Variants in MLXIP observed in about 807,000 individuals in gnomAD.
MLXIP encodes the protein MLX-interacting protein.
Under a neutral mutation model 87.2 loss-of-function variants are expected in MLXIP, and 30 were observed. That is an observed-to-expected ratio of 0.34 (90% CI 0.26 to 0.47). The LOEUF (loss-of-function observed/expected upper bound fraction) is 0.47. Ranked by LOEUF, MLXIP falls within the 20% of genes least tolerant of loss-of-function variation. The probability of loss-of-function intolerance (pLI) is 1.00; values close to 1 mark genes in which losing one functional copy is unlikely to be tolerated. For missense variants in MLXIP, 1,002 were observed against 1,240.1 expected, an observed-to-expected ratio of 0.81 and a Z score of 2.88; for synonymous variants, 530 against 514.0, an observed-to-expected ratio of 1.03 and a Z score of -0.42.
intron 3 of MLXIP, 68 bp from the exon 4 acceptor site, chr12:122,129,069 G>A (rs1952928659): frequency 1.5e-6 from 2 of 1,316,342 alleles, no homozygotes; most frequent in African/African-American, 1.5e-5. Flanking sequence ...CGGATACTCA[G>A]TACACCAGTT....
chr12:122,103,231 T>G (rs143833355), intron 1 of MLXIP, among the ~76,000 whole-genome samples: 65 of 45,400 alleles, frequency 1.4e-3, no homozygotes, highest in African/African-American at 4.8e-3. Context: ...ATTTATTTAT[T>G]TATTTATTTT....
Position 122,078,830 on chromosome 12 carries a change from G to C in MLXIP, c.-24G>C, listed in dbSNP as rs1213457564. Reference sequence around the variant, plus strand: ...TGTCGCGTTGCCCCGGGCTCCGGGGGATGCCCCCGGCCGAGCCCTTCTCAT... The same window carrying C: ...TGTCGCGTTGCCCCGGGCTCCGGGGCATGCCCCCGGCCGAGCCCTTCTCAT... On this transcript the variant is annotated 5_prime_UTR_variant, in exon 1 of 17. Transcript: ENST00000319080. 1 of 1,053,754 alleles carries C rather than the reference G, an allele frequency of 9.5e-7. No individual in the cohort carries two copies. The highest frequency in any genetic ancestry group is 1.1e-6 in the Non-Finnish European group (1 of 874,904). The allele number at this position is 1,053,754 out of a possible 1,614,324, so 65.3% of individuals were successfully genotyped here. A position where few individuals can be genotyped will look rare whatever the true frequency, so the allele number is the denominator to read the frequency against.
Position 122,135,774 on chromosome 12 carries a change from A to C in MLXIP, c.2032+108A>C. 1 of 1,301,952 alleles carries C rather than the reference A, an allele frequency of 7.7e-7. No individual in the cohort carries two copies. The allele number at this position is 1,301,952 out of a possible 1,614,324, so 80.6% of individuals were successfully genotyped here. ...GGTCCCCAGGACGGAGCCTGGGCTT[A>C]GGACACACAGTGAGGTCTTGTAGGC... is the stretch of plus-strand genomic sequence containing the variant. On this transcript the variant is annotated intron_variant, in intron 11 of 16. Coordinates refer to ENST00000319080, the MANE Select transcript of MLXIP (RefSeq NM_014938.6). The surrounding 1 kb of genome is among the most constrained non-coding windows in gnomAD (Gnocchi z 5.3).
At position 122,135,207 on chromosome 12, in the gene MLXIP, C is replaced by T; in HGVS notation, c.1733-17C>T. The T allele has an allele frequency of 6.2e-7, 1 of 1,611,878 alleles. No individual in the cohort carries two copies. The highest frequency in any genetic ancestry group is 8.5e-7 in the Non-Finnish European group (1 of 1,179,322). ...GTGGCCCAGGGCTGCACCTGAACAT[C>T]CTCCTTATCCTGGCAGCTGCCTTTT... On this transcript the variant is annotated splice_polypyrimidine_tract_variant and intron_variant, in intron 9 of 16. Coordinates refer to ENST00000319080, the MANE Select transcript of MLXIP (RefSeq NM_014938.6). This position sits in a 1 kb window ranked among gnomAD's most constrained non-coding sequence, Gnocchi z 5.3.
intron 1 of MLXIP, among the ~76,000 whole-genome samples, chr12:122,110,997 A>C (rs1952598090): frequency 6.6e-6 from 1 of 151,270 alleles, no homozygotes; most frequent in African/African-American, 2.4e-5. Context: ...GAATGGCGTG[A>C]ACCCAGGAGG....
intron 1 of MLXIP, among the ~76,000 whole-genome samples, chr12:122,112,269 T>C (rs1413203170): frequency 1.3e-5 from 2 of 152,190 alleles, no homozygotes; most frequent in Non-Finnish European, 2.9e-5. Context: ...GAATTTGTTT[T>C]TGTGAGCTGT....
At chr12:122,079,294 C>T (rs987022142) in intron 1 of MLXIP, 28 bp downstream of exon 1, 5 of 1,540,346 alleles carry the variant, frequency 3.2e-6, no homozygotes, top group Non-Finnish European at 4.4e-6. Flanking sequence ...CCCCTGAGGC[C>T]CCGGCCGGAG....
At position 122,133,363 on chromosome 12, in the gene MLXIP, A is replaced by C. The variant is rs1953014682; in HGVS notation, c.1108A>C (p.Thr370Pro). ...CCTTTTTCAGGAGAGCATCCTGCCG[A>C]CCACAGCCCTCCCCACTGTGAGCCT... ...NPPAQESILP[T>P]TALPTVSLPD... The change falls in exon 9 of 17, where the codon ACC becomes CCC. Residue 370 changes from threonine to proline, a missense_variant. Thr to Pro is a conservative substitution (Grantham distance 38). Around this residue, in one of 3 missense-constraint regions of MLXIP, gnomAD observed 746 missense variants for 897.0 expected, o/e 0.83. Coordinates refer to ENST00000319080, the MANE Select transcript of MLXIP (RefSeq NM_014938.6). This position sits in a 1 kb window ranked among gnomAD's most constrained non-coding sequence, Gnocchi z 4.9. 1.3e-6 allele frequency: 2 copies of C among 1,566,946 alleles called. No homozygotes were observed. Among genetic ancestry groups the C allele is most frequent in the South Asian group, 2.3e-5 (2 of 85,700 alleles).
At chr12:122,102,885 G>A (rs1242422033) in intron 1 of MLXIP, among the ~76,000 whole-genome samples, 1 of 152,224 alleles carries the variant, frequency 6.6e-6, no homozygotes. Context: ...GAGACAGAAA[G>A]TGGATCAATA....
chr12:122,135,269 C>G lies in MLXIP; in HGVS notation c.1778C>G (p.Pro593Arg). The change falls in exon 10 of 17, where the codon CCT (proline) becomes CGT (arginine). Residue 593 changes from proline (P) to arginine (R), a missense_variant. Physicochemically the swap from Pro to Arg is moderately radical, Grantham distance 103 (BLOSUM62 -2). Transcript: ENST00000319080. The surrounding 1 kb of genome is among the most constrained non-coding windows in gnomAD (Gnocchi z 5.3). ...CAAGCGGTGATCATGACGTCAGGGC[C>G]TCTGAAGAGAGAAGGGATGTTGGCC... is the stretch of plus-strand genomic sequence containing the variant. The part of the protein sequence containing the change: ...QPQAVIMTSG[P>R]LKREGMLAST... 6.2e-7 allele frequency: 1 copy of G among 1,613,648 alleles called. No homozygotes were observed. Among genetic ancestry groups the G allele is most frequent in the Non-Finnish European group, 8.5e-7 (1 of 1,179,862 alleles).
intron 1 of MLXIP, among the ~76,000 whole-genome samples, chr12:122,114,758 TGG>T (rs1555230217): frequency 3.0e-5 from 4 of 135,230 alleles, no homozygotes; most frequent in Admixed American, 7.6e-5. Context: ...TTTTTTTTGG[TGG>T]GGGGGGACAG....
chr12:122,083,671 C>T (rs1565954398), intron 1 of MLXIP, among the ~76,000 whole-genome samples: 1 of 152,158 alleles, frequency 6.6e-6, no homozygotes, highest in Non-Finnish European at 1.5e-5. Context: ...GCCTCAGCCT[C>T]CCAAAATGCT....
At chr12:122,123,417 G>C (rs547993096) in intron 1 of MLXIP, among the ~76,000 whole-genome samples, 2 of 152,294 alleles carry the variant, frequency 1.3e-5, no homozygotes, top group East Asian at 3.9e-4. Flanking sequence ...ACTCGGGGTG[G>C]AACGGTGATC....
At chr12:122,079,520 T>G (rs1236139836) in intron 1 of MLXIP, among the ~76,000 whole-genome samples, 1 of 152,126 alleles carries the variant, frequency 6.6e-6, no homozygotes, top group African/African-American at 2.4e-5. Flanking sequence ...TCCAGTGTCC[T>G]GGGACCACCG....
Position 122,135,074 on chromosome 12 carries a change from C to T in MLXIP, c.1733-150C>T. The T allele has an allele frequency of 1.1e-6, 1 of 901,644 alleles. No individual in the cohort carries two copies. Among genetic ancestry groups the T allele is most frequent in the South Asian group, 1.4e-5 (1 of 69,410 alleles). The allele number at this position is 901,644 out of a possible 1,614,324, so 55.9% of individuals were successfully genotyped here. ...ATAACATGTCTCCTTCAAGAAGTCACACAAATGGTTTTAGGTGCCTTGGTG... is the reference window on the plus strand; with the variant it reads ...ATAACATGTCTCCTTCAAGAAGTCATACAAATGGTTTTAGGTGCCTTGGTG... On this transcript the variant is annotated intron_variant, in intron 9 of 16. Coordinates refer to ENST00000319080, the MANE Select transcript of MLXIP (RefSeq NM_014938.6). The surrounding 1 kb of genome is among the most constrained non-coding windows in gnomAD (Gnocchi z 5.3).
chr12:122,132,431 G>T lies in MLXIP; in HGVS notation c.1092+48G>T, dbSNP rs562187508. The T allele has an allele frequency of 2.4e-4, 352 of 1,457,996 alleles. 3 individuals carry two copies. The Admixed American group carries it at 5.0e-3, about 21-fold the overall frequency. The allele number at this position is 1,457,996 out of a possible 1,614,324, so 90.3% of individuals were successfully genotyped here. On this transcript the variant is annotated intron_variant, in intron 8 of 16. Transcript: ENST00000319080. ...TGGGGGAAGGGGCTGGCAGGCACAG[G>T]GCTGCTCATCAAAGGTTTGCTGCCA...
rs772675330 is a variant in MLXIP at position 122,127,372 on chromosome 12, G to GC, written c.520+13dup. The stretch of plus-strand genomic sequence containing the variant: ...GCCTGGTACATGCAGTGTAAGTGCC[G>GC]CCCAGCCTGGGCGCCGGTGGTGGTC... On this transcript the variant is annotated intron_variant, in intron 2 of 16. Coordinates refer to ENST00000319080, the MANE Select transcript of MLXIP (RefSeq NM_014938.6). 4 of 1,589,458 alleles carry GC rather than the reference G, an allele frequency of 2.5e-6. No individual in the cohort carries two copies. The South Asian group carries it at 3.4e-5, about 13-fold the overall frequency.
In MLXIP at chr12:122,138,864, C is replaced by T. The variant is rs1422211957; in HGVS notation, c.2434C>T (p.Gln812Ter). 1 of 1,614,068 alleles carries T rather than the reference C, an allele frequency of 6.2e-7. No homozygotes were observed. The highest frequency in any genetic ancestry group is 8.5e-7 in the Non-Finnish European group (1 of 1,179,904). The change falls in exon 15 of 17, where the codon CAG becomes TAG. Residue 812 changes from glutamine (Q) to a stop codon, truncating the protein, a stop_gained. Transcript: ENST00000319080. LOFTEE classifies it high-confidence loss of function. ...PATGVPVTRR[Q>*]FDHMKDMFDE... ...CACGGGAGTCCCCGTTACCCGGCGC[C>T]AGTTTGATCACATGAAAGACATGTT...
chr12:122,124,210 C>CCA (rs1357983039), intron 1 of MLXIP, among the ~76,000 whole-genome samples: 1 of 29,260 alleles, frequency 3.4e-5, no homozygotes, highest in East Asian at 1.1e-3. Flanking sequence ...AGCTGTCCCC[C>CCA]TCCTCAGCCG....
Sources: gnomAD v4.1 joint callset for allele counts (sites outside exome capture counted in the v4.1 genomes callset) on GRCh38, gnomAD v4.1.1 for gene constraint, gnomAD v4.1.1 regional missense constraint, Gnocchi (gnomAD v3.1) non-coding constraint, MANE v1.5 for transcripts, NCBI Gene and HGNC (gene_info 2026-07-23, HGNC 2026-07-21) for gene names.